MPRIP: variants seen among roughly 807,000 people sequenced by gnomAD.
MPRIP encodes the protein myosin phosphatase Rho interacting protein.
In MPRIP, 59 loss-of-function variants were observed where a neutral mutation model predicts 234.9. The observed-to-expected ratio is 0.25, with a 90% confidence interval of 0.20 to 0.31. The LOEUF (loss-of-function observed/expected upper bound fraction) is 0.31, where lower values mean the gene tolerates loss of function less well. Among genes scored for constraint, MPRIP ranks in the 10% least tolerant of loss-of-function variants. MPRIP has a pLI of 1.00. For synonymous variants in MPRIP, 1,144 were observed against 1,263.9 expected (o/e 0.91, Z 2.01); for missense variants, 2,436 against 3,071.0 (o/e 0.79, Z 4.89).
At position 17,192,428 on chromosome 17, in the gene MPRIP, G is replaced by GT. The variant is rs2046609475; in HGVS notation, c.*7534_*7535insT. ...CCAGCTGAGCTGCTGCTTTTTTTTTGGGGGGGGGGGGGGGAGGGGCGTCTT... is the reference window on the plus strand; with the variant it reads ...CCAGCTGAGCTGCTGCTTTTTTTTTGTGGGGGGGGGGGGGGAGGGGCGTCTT... On this transcript the variant is annotated 3_prime_UTR_variant, in exon 24 of 24. Transcript: ENST00000651222. The GT allele has an allele frequency of 2.4e-5, 1 of 41,134 alleles. No individual in the cohort carries two copies. The highest frequency in any genetic ancestry group is 4.8e-5 in the Non-Finnish European group (1 of 20,662). 2.5% of individuals were successfully genotyped at this position (41,134 alleles called of 1,614,324 possible).
At chr17:17,151,062 G>T (rs1197615286) in intron 12 of MPRIP, among the ~76,000 whole-genome samples, 2 of 147,594 alleles carry the variant, frequency 1.4e-5, no homozygotes, top group African/African-American at 5.0e-5. Flanking sequence ...AGAGAGACAG[G>T]GTTTCACCAT....
chr17:17,175,228 G>A (rs2046229137), intron 19 of MPRIP, 65 bp from the exon 20 acceptor site: 1 of 1,610,128 alleles, frequency 6.2e-7, no homozygotes, highest in East Asian at 2.2e-5. Flanking sequence ...GGCCTTCCCG[G>A]GTTGTGTCAT....
chr17:17,090,406 T>A (rs2089687593), intron 3 of MPRIP, among the ~76,000 whole-genome samples: 1 of 152,222 alleles, frequency 6.6e-6, no homozygotes, highest in Admixed American at 6.5e-5. Context: ...GTAGATGGGC[T>A]GCTCCACAAA....
chr17:17,111,886 G>A (rs1261705684), intron 3 of MPRIP, among the ~76,000 whole-genome samples: 1 of 152,004 alleles, frequency 6.6e-6, no homozygotes, highest in Non-Finnish European at 1.5e-5. Flanking sequence ...GCTTCTCACC[G>A]AGGCCCTTCC....
intron 5 of MPRIP, among the ~76,000 whole-genome samples, chr17:17,134,483 G>C (rs964521429): frequency 2.0e-5 from 3 of 152,192 alleles, no homozygotes; most frequent in African/African-American, 7.2e-5. Context: ...AACCTTCACT[G>C]TTTGCTTCCG....
chr17:17,179,857 C>A, intron 22 of MPRIP, 146 bp from the exon 23 acceptor site: 1 of 651,478 alleles, frequency 1.5e-6, no homozygotes. Flanking sequence ...TGGTTATTGG[C>A]TTTGAATTCC....
At chr17:17,073,606 G>A (rs2089254345) in intron 1 of MPRIP, among the ~76,000 whole-genome samples, 2 of 152,186 alleles carry the variant, frequency 1.3e-5, no homozygotes, top group African/African-American at 4.8e-5. Flanking sequence ...CTTGTGGCCG[G>A]TGAGAGGCCG....
At chr17:17,129,801 A>T (rs530645984) in intron 4 of MPRIP, among the ~76,000 whole-genome samples, 17 of 152,290 alleles carry the variant, frequency 1.1e-4, no homozygotes, top group African/African-American at 3.9e-4. Flanking sequence ...CATGCTCCAC[A>T]CCTTGGTGAA....
At position 17,188,675 on chromosome 17, in the gene MPRIP, T is replaced by C. The variant is rs550837060; in HGVS notation, c.*3781T>C. On this transcript the variant is annotated 3_prime_UTR_variant, in exon 24 of 24. Coordinates refer to ENST00000651222, the MANE Select transcript of MPRIP (RefSeq NM_001364716.4). ...TTTACTATAGAGGTAGATGGGACTC[T>C]TAACTTTTGGGTACATGGAAACATG... The C allele has an allele frequency of 6.6e-6, 1 of 152,390 alleles. No homozygotes were observed. The highest frequency in any genetic ancestry group is 2.4e-5 in the African/African-American group (1 of 41,594). The allele number at this position is 152,390 out of a possible 1,614,324, so 9.4% of individuals were successfully genotyped here.
intron 23 of MPRIP, chr17:17,181,710 G>GTT: frequency 6.6e-6 from 1 of 152,362 alleles, no homozygotes; most frequent in Middle Eastern, 3.4e-3. Context: ...TTCACTATTA[G>GTT]TGATTTGGGC....
intron 1 of MPRIP, among the ~76,000 whole-genome samples, chr17:17,047,059 T>C (rs1250578380): frequency 6.6e-6 from 1 of 152,126 alleles, no homozygotes; most frequent in Non-Finnish European, 1.5e-5. Flanking sequence ...ATGCCTGTAA[T>C]CCCAGCTACT....
At chr17:17,147,477 A>G (rs1350808462) in intron 11 of MPRIP, 90 bp downstream of exon 11, 1 of 1,242,418 alleles carries the variant, frequency 8.0e-7, no homozygotes, top group Non-Finnish European at 1.2e-6. Context: ...CCCCTGGGCT[A>G]ATGTCCCCAC....
intron 9 of MPRIP, among the ~76,000 whole-genome samples, chr17:17,145,247 C>T (rs928001536): frequency 3.9e-5 from 6 of 152,204 alleles, no homozygotes; most frequent in African/African-American, 1.2e-4. Context: ...CAATTCTTGC[C>T]TGTTCTCACT....
intron 1 of MPRIP, among the ~76,000 whole-genome samples, chr17:17,058,104 C>G (rs1004633159): frequency 1.3e-5 from 2 of 152,162 alleles, no homozygotes; most frequent in Non-Finnish European, 2.9e-5. Flanking sequence ...GCCCTTCACA[C>G]CAGTGCTGGT....
At chr17:17,133,227 GC>G (rs1271364071) in intron 5 of MPRIP, among the ~76,000 whole-genome samples, 5 of 152,198 alleles carry the variant, frequency 3.3e-5, no homozygotes, top group African/African-American at 1.2e-4. Context: ...CTAGCCTTCT[GC>G]ACTCAGGCCC....
intron 3 of MPRIP, among the ~76,000 whole-genome samples, chr17:17,110,088 G>A (rs1309213582): frequency 6.6e-6 from 1 of 152,098 alleles, no homozygotes; most frequent in Admixed American, 6.5e-5. Context: ...CCTGGGCGGG[G>A]CAGCAAGTGG....
chr17:17,073,887 C>T (rs1039459480), intron 1 of MPRIP, among the ~76,000 whole-genome samples: 5 of 152,206 alleles, frequency 3.3e-5, no homozygotes, highest in African/African-American at 1.2e-4. Flanking sequence ...CCAACACCCA[C>T]TCCCCTGTTG....
intron 2 of MPRIP, chr17:17,077,503 A>T (rs546702936): frequency 6.4e-6 from 1 of 155,726 alleles, no homozygotes; most frequent in South Asian, 1.9e-4. Context: ...TGAATTCTGG[A>T]GCCTGGCTGT....
At chr17:17,083,410 G>C (rs1421692058) in intron 3 of MPRIP, among the ~76,000 whole-genome samples, 1 of 152,164 alleles carries the variant, frequency 6.6e-6, no homozygotes, top group East Asian at 1.9e-4. Context: ...CTTCCTATAG[G>C]AGAGTGTCCA....
Sources: allele counts gnomAD v4.1 joint callset (sites outside exome capture counted in the v4.1 genomes callset), GRCh38; gene constraint gnomAD v4.1.1; transcripts MANE v1.5; gene names NCBI Gene and HGNC (gene_info 2026-07-23, HGNC 2026-07-21).